The following PPIP5K2 variants were observed in gnomAD, a reference collection of about 807,000 sequenced individuals.
PPIP5K2 encodes the protein diphosphoinositol pentakisphosphate kinase 2.
In PPIP5K2, 105 loss-of-function variants were observed where a neutral mutation model predicts 154.6. The ratio of observed to expected loss-of-function variants is 0.68; its 90% CI spans 0.58 to 0.80. PPIP5K2 has a LOEUF of 0.80. PPIP5K2 is among the 30% of genes least tolerant of loss of function. PPIP5K2 has a pLI of 0.00. For missense variants in PPIP5K2, 992 were observed against 1,504.6 expected, an observed-to-expected ratio of 0.66 and a Z score of 5.64; for synonymous variants, 480 against 490.3, an observed-to-expected ratio of 0.98 and a Z score of 0.28.
At chr5:103,179,376 A>G (rs1799169554) in intron 23 of PPIP5K2, among the ~76,000 whole-genome samples, 1 of 152,028 alleles carries the variant, frequency 6.6e-6, no homozygotes, top group Admixed American at 6.6e-5. Flanking sequence ...GGTCCAACGT[A>G]TGCATTATCT....
Position 103,183,285 on chromosome 5 carries a change from C to G in PPIP5K2, c.2974C>G (p.His992Asp), listed in dbSNP as rs1799860149. The stretch of plus-strand genomic sequence containing the variant: ...CCCAGAGGGTACTGGTACCTGGCTG[C>G]ATTATACCAGTGGTGTGGGTACTGG... ...SSPEGTGTWL[H>D]YTSGVGTGRR... Residue 992 changes from histidine to aspartate, a missense_variant, in exon 25 of 31, where the codon CAT becomes GAT. This residue lies in a region of PPIP5K2 where 204 missense variants were observed against 224.0 expected (regional missense o/e 0.91). Transcript: ENST00000358359. 6.7e-7 allele frequency: 1 copy of G among 1,485,004 alleles called. No homozygotes were observed. The allele number at this position is 1,485,004 out of a possible 1,614,324, so 92.0% of individuals were successfully genotyped here. A position where few individuals can be genotyped will look rare whatever the true frequency, so the allele number is the denominator to read the frequency against.
At chr5:103,172,201 A>G (rs182283466) in intron 19 of PPIP5K2, among the ~76,000 whole-genome samples, 115 of 151,788 alleles carry the variant, frequency 7.6e-4, no homozygotes, top group African/African-American at 2.6e-3. Context: ...ACAGTTGCAT[A>G]TTCACTATAT....
chr5:103,169,712 A>G (rs142780626), intron 19 of PPIP5K2, among the ~76,000 whole-genome samples: 1 of 151,904 alleles, frequency 6.6e-6, no homozygotes, highest in East Asian at 1.9e-4. Flanking sequence ...GCCTTTAGGA[A>G]ACATTTACTT....
chr5:103,174,932 C>A (rs986938793), intron 21 of PPIP5K2, among the ~76,000 whole-genome samples: 2 of 152,074 alleles, frequency 1.3e-5, no homozygotes, highest in Non-Finnish European at 2.9e-5. Context: ...AAACTCAATT[C>A]ACATCTCCCT....
At chr5:103,131,264 A>G (rs1407601013) in intron 2 of PPIP5K2, among the ~76,000 whole-genome samples, 1 of 152,180 alleles carries the variant, frequency 6.6e-6, no homozygotes, top group Non-Finnish European at 1.5e-5. Context: ...AGTTCTTTTT[A>G]TAAAATTATG....
intron 2 of PPIP5K2, among the ~76,000 whole-genome samples, chr5:103,132,515 C>T (rs1174229304): frequency 2.6e-5 from 4 of 151,858 alleles, no homozygotes; most frequent in Non-Finnish European, 4.4e-5. Context: ...CACTGCACTC[C>T]AGCCTGGGCG....
intron 5 of PPIP5K2, among the ~76,000 whole-genome samples, chr5:103,142,313 G>A (rs538887093): frequency 5.7e-4 from 87 of 152,312 alleles, no homozygotes; most frequent in African/African-American, 2.0e-3. Context: ...CAGGCTGGCC[G>A]GCTGCTCCGA....
intron 17 of PPIP5K2, 119 bp from the exon 18 acceptor site, chr5:103,167,060 C>T (rs1554218119): frequency 1.4e-6 from 1 of 730,666 alleles, no homozygotes; most frequent in African/African-American, 1.8e-5. Context: ...ATTTTGTGGT[C>T]ATTTTAATTT....
intron 19 of PPIP5K2, among the ~76,000 whole-genome samples, chr5:103,171,913 C>T (rs1798036812): frequency 6.6e-6 from 1 of 151,490 alleles, no homozygotes; most frequent in Non-Finnish European, 1.5e-5. Flanking sequence ...TTATTATTCC[C>T]AATGTCTGAG....
intron 1 of PPIP5K2, among the ~76,000 whole-genome samples, chr5:103,126,745 G>GTTTTTTT (rs369761352): frequency 7.3e-6 from 1 of 137,446 alleles, no homozygotes; most frequent in Non-Finnish European, 1.6e-5. Context: ...GCCTTTTCAC[G>GTTTTTTT]TTTTTTTTTT....
intron 1 of PPIP5K2, chr5:103,120,891 C>T (rs1206903933): frequency 6.0e-6 from 1 of 167,344 alleles, no homozygotes; most frequent in African/African-American, 2.4e-5. Flanking sequence ...TTATCCCTCT[C>T]TCTGTCAACC....
At chr5:103,137,975 C>G (rs1791835012) in intron 4 of PPIP5K2, among the ~76,000 whole-genome samples, 1 of 152,054 alleles carries the variant, frequency 6.6e-6, no homozygotes, top group Admixed American at 6.5e-5. Flanking sequence ...TCACATTTTA[C>G]CAAATTAGAA....
intron 30 of PPIP5K2, among the ~76,000 whole-genome samples, chr5:103,198,185 G>C (rs142654357): frequency 6.6e-6 from 1 of 151,738 alleles, no homozygotes; most frequent in African/African-American, 2.4e-5. Context: ...AAATATTCAG[G>C]GTTTTTTTAT....
chr5:103,140,328 C>T lies in PPIP5K2; in HGVS notation c.487+1859C>T, dbSNP rs534429351. On this transcript the variant is annotated intron_variant, in intron 5 of 30. Coordinates refer to ENST00000358359, the MANE Select transcript of PPIP5K2 (RefSeq NM_001276277.3). ...CATAGAAGAATATGAAGATTTAACC[C>T]AAATAAGACTATCTCAAGGCATATA... Among the ~76,000 whole-genome samples the T allele has an allele frequency of 2.0e-5, 3 of 152,002 alleles. No homozygotes were observed. In the South Asian group the frequency reaches 6.2e-4, roughly 31 times the overall value.
In PPIP5K2 at chr5:103,159,260, C is replaced by T. The variant is rs782100953; in HGVS notation, c.1852C>T (p.Arg618Cys). Reference protein sequence around the residue: ...DSDSLSSCQQRVKARLHEILQ... With the variant: ...DSDSLSSCQQCVKARLHEILQ... ...TGACTCTCTGAGCAGTTGTCAGCAA[C>T]GTGTGAAGGCAAGGCTTCATGAAAT... Residue 618 changes from arginine (R) to cysteine (C), a missense_variant, in exon 17 of 31, where the codon CGT (arginine) becomes TGT (cysteine). This residue lies in a region of PPIP5K2 where 82 missense variants were observed against 91.8 expected (regional missense o/e 0.89). Coordinates refer to ENST00000358359, the MANE Select transcript of PPIP5K2 (RefSeq NM_001276277.3). 3 of 1,613,272 alleles carry T rather than the reference C, an allele frequency of 1.9e-6. No individual in the cohort carries two copies. The highest frequency in any genetic ancestry group is 2.2e-5 in the East Asian group (1 of 44,824).
chr5:103,124,486 T>C (rs1554200102), intron 1 of PPIP5K2, among the ~76,000 whole-genome samples: 1 of 152,200 alleles, frequency 6.6e-6, no homozygotes, highest in African/African-American at 2.4e-5. Flanking sequence ...TTGCAACCCT[T>C]ATTGGCTCTG....
intron 21 of PPIP5K2, among the ~76,000 whole-genome samples, chr5:103,176,046 G>C (rs1184911234): frequency 3.3e-5 from 5 of 151,954 alleles, no homozygotes; most frequent in African/African-American, 1.2e-4. Context: ...AATGGATGGG[G>C]TAAAATCTTT....
At position 103,167,290 on chromosome 5, in the gene PPIP5K2, A is replaced by T; in HGVS notation, c.2032A>T (p.Arg678Ter). Residue 678 changes from arginine (R) to a stop codon, truncating the protein, a stop_gained, in exon 18 of 31, where the codon AGA becomes TGA. Transcript: ENST00000358359. LOFTEE classifies it high-confidence loss of function. ...SLIQSLTSQI[R>*]HRMEDPKSSD... ...AATTCAGAGTTTGACTTCTCAAATCAGACATCGAATGGAAGATCCTAAATC... is the reference window on the plus strand; with the variant it reads ...AATTCAGAGTTTGACTTCTCAAATCTGACATCGAATGGAAGATCCTAAATC... The T allele has an allele frequency of 3.1e-6, 5 of 1,590,190 alleles. No individual in the cohort carries two copies. The highest frequency in any genetic ancestry group is 4.3e-6 in the Non-Finnish European group (5 of 1,168,950).
intron 23 of PPIP5K2, among the ~76,000 whole-genome samples, chr5:103,179,372 A>C (rs1489763684): frequency 1.3e-5 from 2 of 151,984 alleles, no homozygotes; most frequent in African/African-American, 4.8e-5. Flanking sequence ...CTATGGTCCA[A>C]CGTATGCATT....
Sources: gnomAD v4.1 joint callset for allele counts (sites outside exome capture counted in the v4.1 genomes callset) on GRCh38, gnomAD v4.1.1 for gene constraint, gnomAD v4.1.1 regional missense constraint, MANE v1.5 for transcripts, NCBI Gene and HGNC (gene_info 2026-07-23, HGNC 2026-07-21) for gene names.